The following LCP2 variants were observed in gnomAD, a reference collection of about 807,000 sequenced individuals.
LCP2 encodes the protein 76 kDa tyrosine phosphoprotein.
Under a neutral mutation model 74.5 loss-of-function variants are expected in LCP2, and 29 were observed. The ratio of observed to expected loss-of-function variants is 0.39; its 90% confidence interval spans 0.29 to 0.53. The LOEUF is 0.53. LCP2 is among the 20% of genes least tolerant of loss of function. The pLI, the probability that LCP2 is intolerant of heterozygous loss-of-function variation, is 0.72. For missense variants in LCP2, 604 were observed against 634.6 expected (o/e 0.95, Z 0.52); for synonymous variants, 228 against 229.5 (o/e 0.99, Z 0.06).
rs565972389 is a variant in LCP2, at chr5:170,248,700, T to C, written c.1599A>G (p.Pro533=). 5.1e-5 allele frequency: 82 copies of C among 1,612,016 alleles called. No individual in the cohort carries two copies. The South Asian group carries it at 8.4e-4, about 16-fold the overall frequency. Residue 533 remains proline, a synonymous_variant, in exon 21 of 21, where the codon CCA becomes CCG. Transcript: ENST00000046794. ...QCTLTHAAGY[P] ...TCATTTGCTCGGCTATAACTTGCTA[T>C]GGGTACCCTGCAGCATGCGTTAATG...
chr5:170,246,248 G>T lies in LCP2; in HGVS notation c.*2449C>A, dbSNP rs115514566. On this transcript the variant is annotated 3_prime_UTR_variant, in exon 21 of 21. Transcript: ENST00000046794. ...AAACAAGCAGTTCATGTTCTTGAAG[G>T]CTGTTTAATGTTTTGAAGAATGGCT... 1.2e-5 allele frequency: 9 copies of T among 736,122 alleles called. No homozygotes were observed. In the African/African-American group the frequency reaches 1.2e-4, roughly 10 times the overall value. The allele number at this position is 736,122 out of a possible 1,614,324, so 45.6% of individuals were successfully genotyped here. A position where few individuals can be genotyped will look rare whatever the true frequency, so the allele number is the denominator to read the frequency against.
chr5:170,271,245 T>G (rs1761893065), intron 6 of LCP2, among the ~76,000 whole-genome samples: 1 of 152,114 alleles, frequency 6.6e-6, no homozygotes, highest in Admixed American at 6.5e-5. Context: ...TAAACACATT[T>G]TTTGCTCCAG....
At chr5:170,296,238 G>T (rs1762380939) in intron 1 of LCP2, among the ~76,000 whole-genome samples, 2 of 152,152 alleles carry the variant, frequency 1.3e-5, no homozygotes, top group African/African-American at 4.8e-5. Context: ...AACAATATTT[G>T]CTGAAATCTA....
intron 3 of LCP2, among the ~76,000 whole-genome samples, chr5:170,277,371 T>A (rs1182011958): frequency 6.6e-6 from 1 of 152,164 alleles, no homozygotes; most frequent in Non-Finnish European, 1.5e-5. Flanking sequence ...CTTGCTAAGT[T>A]AGCAAAGGAA....
intron 3 of LCP2, among the ~76,000 whole-genome samples, chr5:170,281,370 C>T (rs540876466): frequency 6.6e-6 from 1 of 152,232 alleles, no homozygotes; most frequent in South Asian, 2.1e-4. Context: ...AGTTCTGCCT[C>T]CCGGGTTCAC....
At chr5:170,278,606 G>T (rs1762050550) in intron 3 of LCP2, among the ~76,000 whole-genome samples, 1 of 152,024 alleles carries the variant, frequency 6.6e-6, no homozygotes, top group Non-Finnish European at 1.5e-5. Flanking sequence ...CTTGAGCGAG[G>T]TGGGACTGAG....
intron 17 of LCP2, among the ~76,000 whole-genome samples, chr5:170,254,091 T>G (rs1385861759): frequency 6.6e-6 from 1 of 152,168 alleles, no homozygotes; most frequent in Non-Finnish European, 1.5e-5. Flanking sequence ...GTCCAGATCT[T>G]GAGTAAGGTA....
At chr5:170,269,462 C>G (rs1331624794) in intron 7 of LCP2, among the ~76,000 whole-genome samples, 1 of 152,228 alleles carries the variant, frequency 6.6e-6, no homozygotes, top group East Asian at 1.9e-4. Context: ...CCTGCTCCAC[C>G]CGCACTGGCC....
chr5:170,290,290 G>T (rs2113213447), intron 2 of LCP2, among the ~76,000 whole-genome samples: 1 of 152,290 alleles, frequency 6.6e-6, no homozygotes, highest in East Asian at 1.9e-4. Context: ...GAGAGGCAAT[G>T]TGGCAGACAT....
intron 7 of LCP2, among the ~76,000 whole-genome samples, chr5:170,268,928 C>T (rs1050094808): frequency 8.6e-5 from 13 of 151,774 alleles, no homozygotes; most frequent in Non-Finnish European, 1.5e-4. Flanking sequence ...CACAGAGACA[C>T]GAGTGCACAC....
At chr5:170,266,981 G>GGC in intron 9 of LCP2, 28 bp downstream of exon 9, 1 of 1,613,624 alleles carries the variant, frequency 6.2e-7, no homozygotes, top group Non-Finnish European at 8.5e-7. Context: ...GTGGGAACAG[G>GGC]GCAAGAGAGA....
intron 2 of LCP2, among the ~76,000 whole-genome samples, chr5:170,292,589 C>G (rs186971901): frequency 6.6e-6 from 1 of 152,254 alleles, no homozygotes; most frequent in East Asian, 1.9e-4. Flanking sequence ...ACATCTACCC[C>G]CATGAGACCC....
Position 170,246,511 on chromosome 5 carries a change from A to G in LCP2, c.*2186T>C, listed in dbSNP as rs1315860446. On this transcript the variant is annotated 3_prime_UTR_variant, in exon 21 of 21. Coordinates refer to ENST00000046794, the MANE Select transcript of LCP2 (RefSeq NM_005565.5). ...GAAGCACATAGTTGGAATAGATTTCAGGGATCCCACTAATTTGTCCATACT... is the reference window on the plus strand; with the variant it reads ...GAAGCACATAGTTGGAATAGATTTCGGGGATCCCACTAATTTGTCCATACT... The G allele has an allele frequency of 6.2e-6, 1 of 160,054 alleles. No homozygotes were observed. Among genetic ancestry groups the G allele is most frequent in the African/African-American group, 2.4e-5 (1 of 41,514 alleles). 9.9% of individuals were successfully genotyped at this position (160,054 alleles called of 1,614,324 possible).
chr5:170,288,344 T>C (rs958389944), intron 2 of LCP2, among the ~76,000 whole-genome samples: 1 of 152,174 alleles, frequency 6.6e-6, no homozygotes, highest in African/African-American at 2.4e-5. Flanking sequence ...AACGACTCGT[T>C]GTGTGGGCTG....
In LCP2 at chr5:170,253,130, CG is replaced by C; in HGVS notation, c.1233del (p.Ala412ArgfsTer7). 1 of 1,608,564 alleles carries C rather than the reference CG, an allele frequency of 6.2e-7. No individual in the cohort carries two copies. Among genetic ancestry groups the C allele is most frequent in the South Asian group, 1.1e-5 (1 of 90,056 alleles). ...ACATGCTCTCTTACCTCTTCCTCCGCGGGGGATGGGGGCCGAGGTTTGTTTG... is the reference window on the plus strand; with the variant it reads ...ACATGCTCTCTTACCTCTTCCTCCGCGGGGATGGGGGCCGAGGTTTGTTTG... ...PLPNKPRPPS[P>X]AEEENSLNEE... On this transcript the variant is annotated frameshift_variant, in exon 18 of 21. Coordinates refer to ENST00000046794, the MANE Select transcript of LCP2 (RefSeq NM_005565.5). LOFTEE classifies it high-confidence loss of function.
intron 13 of LCP2, among the ~76,000 whole-genome samples, chr5:170,262,280 C>G (rs180781778): frequency 2.5e-4 from 38 of 152,314 alleles, no homozygotes; most frequent in Admixed American, 2.4e-3. Flanking sequence ...TGTCTGCTAC[C>G]TGTATTGAAA....
chr5:170,246,298 G>A lies in LCP2; in HGVS notation c.*2399C>T, dbSNP rs1761290193. The stretch of plus-strand genomic sequence containing the variant: ...TTAACTTACGTCACTAATGGCAAGT[G>A]TATGACATAGGAAATTGGCCATGGG... On this transcript the variant is annotated 3_prime_UTR_variant, in exon 21 of 21. Coordinates refer to ENST00000046794, the MANE Select transcript of LCP2 (RefSeq NM_005565.5). 4.1e-6 allele frequency: 2 copies of A among 488,844 alleles called. 1 individual carries two copies. Among genetic ancestry groups the A allele is most frequent in the Non-Finnish European group, 7.0e-6 (2 of 284,202 alleles). The allele number at this position is 488,844 out of a possible 1,614,324, so 30.3% of individuals were successfully genotyped here.
At position 170,289,657 on chromosome 5, in the gene LCP2, CTT is replaced by C. The variant is rs1561978377; in HGVS notation, c.142-1643_142-1642del. On this transcript the variant is annotated intron_variant, in intron 2 of 20. Coordinates refer to ENST00000046794, the MANE Select transcript of LCP2 (RefSeq NM_005565.5). The stretch of plus-strand genomic sequence containing the variant: ...TCTTTCTTTCTTTCTTTCTTTCTTT[CTT>C]TCTTTCTTTCTTTCTCTCTCTCTCT... 1.1e-3 allele frequency among the ~76,000 whole-genome samples: 136 copies of C among 118,526 alleles called. 1 individual carries two copies. The Middle Eastern group carries it at 0.022, about 19-fold the overall frequency. 77.8% of individuals were successfully genotyped at this position (118,526 alleles called of 152,430 possible).
intron 10 of LCP2, among the ~76,000 whole-genome samples, chr5:170,265,178 G>A (rs1370480044): frequency 6.6e-6 from 1 of 151,742 alleles, no homozygotes; most frequent in African/African-American, 2.4e-5. Flanking sequence ...TAATAGAGAC[G>A]GGGTTTCACC....
Sources: allele counts gnomAD v4.1 joint callset (sites outside exome capture counted in the v4.1 genomes callset), GRCh38; gene constraint gnomAD v4.1.1; transcripts MANE v1.5; gene names NCBI Gene and HGNC (gene_info 2026-07-23, HGNC 2026-07-21).